EXT1: variants seen among roughly 807,000 people sequenced by gnomAD.
EXT1 encodes the protein exostosin-1.
EXT1 carries 20 observed loss-of-function variants against 82.5 expected under a neutral mutation model. That is an observed-to-expected ratio of 0.24 (90% CI 0.17 to 0.35). EXT1 has a LOEUF of 0.35. Among genes scored for constraint, EXT1 ranks in the 10% least tolerant of loss-of-function variants. The probability of loss-of-function intolerance (pLI) is 1.00; values close to 1 mark genes in which losing one functional copy is unlikely to be tolerated. For missense variants in EXT1, 757 were observed against 936.5 expected, an observed-to-expected ratio of 0.81 and a Z score of 2.50; for synonymous variants, 348 against 350.8, an observed-to-expected ratio of 0.99 and a Z score of 0.09.
intron 1 of EXT1, among the ~76,000 whole-genome samples, chr8:117,961,694 C>T (rs1288381632): frequency 6.6e-6 from 1 of 152,160 alleles, no homozygotes; most frequent in East Asian, 1.9e-4. Context: ...ATTCTTGCAG[C>T]AAATAAGAAT....
chr8:117,897,612 T>TTTTTTTTTA (rs1813366755), intron 1 of EXT1, among the ~76,000 whole-genome samples: 1 of 146,264 alleles, frequency 6.8e-6, no homozygotes, highest in Admixed American at 6.8e-5. Context: ...TTTTTTTTTT[T>TTTTTTTTTA]GAGACAGAGT....
chr8:118,052,515 A>C (rs994436351), intron 1 of EXT1, among the ~76,000 whole-genome samples: 1 of 152,260 alleles, frequency 6.6e-6, no homozygotes, highest in African/African-American at 2.4e-5. Context: ...AGGATTTTAC[A>C]TACTTGTAAG....
At chr8:118,009,615 G>A (rs1048433793) in intron 1 of EXT1, among the ~76,000 whole-genome samples, 4 of 152,212 alleles carry the variant, frequency 2.6e-5, no homozygotes, top group Non-Finnish European at 4.4e-5. Flanking sequence ...AAAGCAGGAA[G>A]CGAGTGACAG....
rs564031850 is a variant in EXT1, at chr8:117,846,948, T to C, written c.963-9747A>G. 7.2e-4 allele frequency among the ~76,000 whole-genome samples: 109 copies of C among 152,318 alleles called. 1 individual carries two copies. The highest frequency in any genetic ancestry group is 2.6e-3 in the African/African-American group (109 of 41,564). On this transcript the variant is annotated intron_variant, in intron 1 of 10. Transcript: ENST00000378204. The stretch of plus-strand genomic sequence containing the variant: ...CCTGCTGCCTAGAGGAAGGCTTCCC[T>C]GATCCCTGGAGTTTGGGAACCCTGT...
chr8:118,037,103 C>A (rs769933200), intron 1 of EXT1, among the ~76,000 whole-genome samples: 1 of 152,156 alleles, frequency 6.6e-6, no homozygotes, highest in South Asian at 2.1e-4. Flanking sequence ...ATTTCAATTC[C>A]TATGTCCATG....
chr8:117,943,728 G>C (rs1390691532), intron 1 of EXT1, among the ~76,000 whole-genome samples: 1 of 152,226 alleles, frequency 6.6e-6, no homozygotes, highest in East Asian at 1.9e-4. Flanking sequence ...TAATGTACGT[G>C]TGTATTTTGT....
At chr8:118,087,648 A>C (rs1817446948) in intron 1 of EXT1, among the ~76,000 whole-genome samples, 1 of 152,238 alleles carries the variant, frequency 6.6e-6, no homozygotes, top group Non-Finnish European at 1.5e-5. Context: ...TTTACACAGA[A>C]AGAATTTAAT....
At chr8:117,979,225 G>A (rs1322496231) in intron 1 of EXT1, among the ~76,000 whole-genome samples, 1 of 151,968 alleles carries the variant, frequency 6.6e-6, no homozygotes, top group Non-Finnish European at 1.5e-5. Context: ...CTGGGGGGGT[G>A]CACCTGTAGT....
At chr8:117,998,462 C>T (rs1815593026) in intron 1 of EXT1, among the ~76,000 whole-genome samples, 1 of 152,100 alleles carries the variant, frequency 6.6e-6, no homozygotes, top group Non-Finnish European at 1.5e-5. Context: ...AGGTATGTGC[C>T]ACCAAGTCTG....
Position 118,110,448 on chromosome 8 carries a change from C to A in EXT1, c.599G>T (p.Trp200Leu). 6.2e-7 allele frequency: 1 copy of A among 1,614,098 alleles called. No homozygotes were observed. Among genetic ancestry groups the A allele is most frequent in the Non-Finnish European group, 8.5e-7 (1 of 1,180,024 alleles). ...HLIFNLYSGTWPDYTEDVGFD... is the reference protein window; with the variant it reads ...HLIFNLYSGTLPDYTEDVGFD... Reference sequence around the variant, plus strand: ...CCCCACGTCCTCGGTGTAGTCAGGCCAAGTGCCGGAATATAAATTAAAAAT... The same window carrying A: ...CCCCACGTCCTCGGTGTAGTCAGGCAAAGTGCCGGAATATAAATTAAAAAT... The change falls in exon 1 of 11, where the codon TGG becomes TTG. Residue 200 changes from tryptophan (W) to leucine (L), a missense_variant. This residue lies in a region of EXT1 where 247 missense variants were observed against 330.1 expected (regional missense o/e 0.75). Transcript: ENST00000378204.
intron 1 of EXT1, among the ~76,000 whole-genome samples, chr8:118,023,666 C>G (rs1816151383): frequency 6.6e-6 from 1 of 152,130 alleles, no homozygotes; most frequent in Non-Finnish European, 1.5e-5. Context: ...GCTCCAAACT[C>G]TATGTTTTCT....
chr8:117,840,909 A>T (rs962739133), intron 1 of EXT1, among the ~76,000 whole-genome samples: 2 of 152,206 alleles, frequency 1.3e-5, no homozygotes, highest in Non-Finnish European at 2.9e-5. Flanking sequence ...AAAATGACAG[A>T]TGAGAGCAAG....
At chr8:117,818,623 G>A in intron 6 of EXT1, 93 bp from the exon 7 acceptor site, 1 of 1,036,276 alleles carries the variant, frequency 9.6e-7, no homozygotes. Context: ...GAAAGAGAAA[G>A]AGGAGCTGGA....
chr8:117,894,341 G>T (rs17430533), intron 1 of EXT1, among the ~76,000 whole-genome samples: 17,622 of 152,076 alleles, frequency 0.12, 1,055 homozygotes, highest in Middle Eastern at 0.17. Context: ...GACACCAGCA[G>T]AGTAAATACC....
At chr8:118,049,838 G>A (rs1816689182) in intron 1 of EXT1, among the ~76,000 whole-genome samples, 1 of 151,870 alleles carries the variant, frequency 6.6e-6, no homozygotes, top group Non-Finnish European at 1.5e-5. Flanking sequence ...GCTGGCGAAG[G>A]CAGCCCCACG....
chr8:118,007,898 T>C (rs1815812433), intron 1 of EXT1, among the ~76,000 whole-genome samples: 1 of 152,152 alleles, frequency 6.6e-6, no homozygotes, highest in South Asian at 2.1e-4. Flanking sequence ...CTAATGATAG[T>C]GAGTATCTAT....
rs1406245859 is a variant in EXT1 at position 117,794,604 on chromosome 8, GACATAAAGTTAC to G, written c.*5096_*5107del. On this transcript the variant is annotated 3_prime_UTR_variant, in exon 11 of 11. Coordinates refer to ENST00000378204, the MANE Select transcript of EXT1 (RefSeq NM_000127.3). The stretch of plus-strand genomic sequence containing the variant: ...AATCTATCTTGGATGGCGAAACCCA[GACATAAAGTTAC>G]ACAGGTCAGTGAAGTAAATCAATAT... 6.6e-6 allele frequency: 1 copy of G among 151,990 alleles called. No homozygotes were observed. The highest frequency in any genetic ancestry group is 6.6e-5 in the Admixed American group (1 of 15,248). The allele number at this position is 151,990 out of a possible 1,614,324, so 9.4% of individuals were successfully genotyped here.
At chr8:117,973,875 GGAAAGGA>G (rs1815004941) in intron 1 of EXT1, among the ~76,000 whole-genome samples, 2 of 93,396 alleles carry the variant, frequency 2.1e-5, no homozygotes, top group African/African-American at 4.4e-5. Flanking sequence ...GGAAAGGAAA[GGAAAGGA>G]AAGGAAGGAA....
At chr8:117,967,164 G>A (rs193007918) in intron 1 of EXT1, among the ~76,000 whole-genome samples, 1 of 152,306 alleles carries the variant, frequency 6.6e-6, no homozygotes, top group East Asian at 1.9e-4. Context: ...GAATCCAGCT[G>A]AGAAAATCAT....
Sources: allele counts gnomAD v4.1 joint callset (sites outside exome capture counted in the v4.1 genomes callset), GRCh38; gene constraint gnomAD v4.1.1; regional missense constraint gnomAD v4.1.1; transcripts MANE v1.5; gene names NCBI Gene and HGNC (gene_info 2026-07-23, HGNC 2026-07-21).